The following SAMSN1 variants were observed in gnomAD, a reference collection of about 807,000 sequenced individuals.
The protein encoded by SAMSN1 is SAM domain-containing protein SAMSN-1.
A neutral mutation model predicts 42.0 loss-of-function variants in SAMSN1; 31 were observed. That is an observed-to-expected ratio of 0.74 (90% CI 0.55 to 1.00). The LOEUF (loss-of-function observed/expected upper bound fraction) is 1.00. SAMSN1 is among the 50% of genes least tolerant of loss of function. SAMSN1 has a pLI of 0.00. For synonymous variants in SAMSN1, 178 were observed against 151.9 expected, an observed-to-expected ratio of 1.17 and a Z score of -1.26; for missense variants, 464 against 439.4, an observed-to-expected ratio of 1.06 and a Z score of -0.50.
intron 2 of SAMSN1, among the ~76,000 whole-genome samples, chr21:14,626,532 C>CTCA (rs559812367): frequency 2.0e-5 from 3 of 151,578 alleles, no homozygotes; most frequent in African/African-American, 2.4e-5. Context: ...TGAAAAAATG[C>CTCA]TCATCACTGG....
At chr21:14,506,396 T>G (rs1987407105) in intron 5 of SAMSN1, among the ~76,000 whole-genome samples, 2 of 152,036 alleles carry the variant, frequency 1.3e-5, no homozygotes, top group South Asian at 4.1e-4. Flanking sequence ...CAAAAGATCA[T>G]TCAAGGCCAC....
At chr21:14,492,431 TC>T (rs1244271669) in intron 7 of SAMSN1, among the ~76,000 whole-genome samples, 4 of 152,236 alleles carry the variant, frequency 2.6e-5, no homozygotes, top group African/African-American at 9.6e-5. Context: ...TCCTCATTCA[TC>T]ATTTACTCAT....
intron 7 of SAMSN1, among the ~76,000 whole-genome samples, chr21:14,487,329 CTTT>C (rs1316457269): frequency 2.0e-5 from 3 of 150,182 alleles, no homozygotes; most frequent in African/African-American, 7.4e-5. Flanking sequence ...GAAATCTACT[CTTT>C]ATCTTATTTA....
chr21:14,607,876 A>G (rs1386635891), intron 5 of SAMSN1, among the ~76,000 whole-genome samples: 1 of 152,220 alleles, frequency 6.6e-6, no homozygotes, highest in Non-Finnish European at 1.5e-5. Context: ...ACATACAATA[A>G]TCTAAAATAC....
chr21:14,571,713 C>A (rs542130731), intron 2 of SAMSN1, among the ~76,000 whole-genome samples: 1 of 152,142 alleles, frequency 6.6e-6, no homozygotes, highest in Non-Finnish European at 1.5e-5. Context: ...ATATGCAAGA[C>A]ACTGTCAATA....
At chr21:14,574,051 A>C (rs1981386564) in intron 2 of SAMSN1, among the ~76,000 whole-genome samples, 1 of 152,168 alleles carries the variant, frequency 6.6e-6, no homozygotes, top group Admixed American at 6.6e-5. Flanking sequence ...GCTCCTTCAA[A>C]TGTTCTAACA....
chr21:14,605,897 A>G (rs917805817), intron 5 of SAMSN1, among the ~76,000 whole-genome samples: 5 of 151,400 alleles, frequency 3.3e-5, no homozygotes, highest in South Asian at 2.1e-4. Flanking sequence ...GCTGGAGTGC[A>G]GTGGCGCGAT....
At chr21:14,507,413 A>G (rs1433164850) in intron 5 of SAMSN1, among the ~76,000 whole-genome samples, 1 of 152,238 alleles carries the variant, frequency 6.6e-6, no homozygotes, top group Non-Finnish European at 1.5e-5. Context: ...CAAGCTAAGA[A>G]TCAAATCAAG....
At chr21:14,502,552 G>T (rs1987211881) in intron 5 of SAMSN1, among the ~76,000 whole-genome samples, 1 of 152,148 alleles carries the variant, frequency 6.6e-6, no homozygotes, top group South Asian at 2.1e-4. Context: ...TTCCTGTTGT[G>T]TCCTGTAAGA....
intron 5 of SAMSN1, among the ~76,000 whole-genome samples, chr21:14,606,819 C>A (rs1982581999): frequency 6.6e-6 from 1 of 152,156 alleles, no homozygotes; most frequent in Non-Finnish European, 1.5e-5. Flanking sequence ...TGGAACTCAG[C>A]TTATTCTGAT....
chr21:14,582,084 A>G (rs939491943), intron 2 of SAMSN1: 10 of 1,437,396 alleles, frequency 7.0e-6, no homozygotes, highest in Non-Finnish European at 9.3e-6. Flanking sequence ...TTCTTTCCCG[A>G]CAGTACAAAA....
At chr21:14,592,667 G>C in intron 7 of SAMSN1, 1 of 380,118 alleles carries the variant, frequency 2.6e-6, no homozygotes, top group Non-Finnish European at 5.6e-6. Context: ...GAAAAAGTGA[G>C]AATGACCTAC....
Position 14,486,104 on chromosome 21 carries a change from C to T in SAMSN1, c.930G>A (p.Glu310=), listed in dbSNP as rs552799271. 2 of 1,612,636 alleles carry T rather than the reference C, an allele frequency of 1.2e-6. No homozygotes were observed. The highest frequency in any genetic ancestry group is 3.3e-5 in the Admixed American group (2 of 59,860). Residue 310 remains glutamate (E), a synonymous_variant, in exon 8 of 8, where the codon GAG becomes GAA. Coordinates refer to ENST00000400566, the MANE Select transcript of SAMSN1 (RefSeq NM_022136.5). The part of the protein sequence containing the change: ...ENFLEEEIIQ[E]QENEPEPLSL... ...ATAGGGGCTCAGGTTCATTTTCTTG[C>T]TCTTGAATAACTGTAAATGGAAAAA...
intron 1 of SAMSN1, among the ~76,000 whole-genome samples, chr21:14,657,104 C>T (rs369111173): frequency 6.6e-6 from 1 of 151,778 alleles, no homozygotes; most frequent in Non-Finnish European, 1.5e-5. Flanking sequence ...TAGGGTGTCA[C>T]AACACTGTGG....
chr21:14,636,162 A>G (rs2123370954), intron 2 of SAMSN1, among the ~76,000 whole-genome samples: 1 of 152,342 alleles, frequency 6.6e-6, no homozygotes, highest in South Asian at 2.1e-4. Context: ...CACCGTTCCC[A>G]GTCTGAGAGC....
At chr21:14,489,633 T>C (rs993219934) in intron 7 of SAMSN1, among the ~76,000 whole-genome samples, 2 of 152,162 alleles carry the variant, frequency 1.3e-5, no homozygotes, top group Non-Finnish European at 2.9e-5. Flanking sequence ...GCAGGCATAC[T>C]AGGAACTCCA....
chr21:14,595,951 A>G (rs762678593), intron 6 of SAMSN1, among the ~76,000 whole-genome samples: 35 of 152,214 alleles, frequency 2.3e-4, no homozygotes, highest in Non-Finnish European at 4.9e-4. Flanking sequence ...AATGATGCTA[A>G]GGAATACCAA....
chr21:14,520,526 C>A (rs1978389336), intron 2 of SAMSN1, among the ~76,000 whole-genome samples: 1 of 152,156 alleles, frequency 6.6e-6, no homozygotes, highest in Admixed American at 6.5e-5. Flanking sequence ...TCCCAAACAT[C>A]TGTTAGGCTT....
chr21:14,632,934 T>C (rs1983369884), intron 2 of SAMSN1, among the ~76,000 whole-genome samples: 1 of 152,216 alleles, frequency 6.6e-6, no homozygotes, highest in Non-Finnish European at 1.5e-5. Flanking sequence ...TCTGGCTTCA[T>C]TATAGTGTGC....
Sources: allele counts gnomAD v4.1 joint callset (sites outside exome capture counted in the v4.1 genomes callset), GRCh38; gene constraint gnomAD v4.1.1; transcripts MANE v1.5; gene names NCBI Gene and HGNC (gene_info 2026-07-23, HGNC 2026-07-21).